Variants in MYCT1 observed in about 807,000 individuals in gnomAD.
MYCT1 encodes the protein MYC target 1.
In MYCT1, 12 loss-of-function variants were observed where a neutral mutation model predicts 15.0. The ratio of observed to expected loss-of-function variants is 0.80; its 90% CI spans 0.51 to 1.29. The LOEUF (loss-of-function observed/expected upper bound fraction) is 1.29, where lower values mean the gene tolerates loss of function less well. MYCT1 is among the 50% of genes most tolerant of loss of function. MYCT1 has a pLI of 0.00. For synonymous variants in MYCT1, 104 were observed against 102.7 expected (o/e 1.01, Z -0.07); for missense variants, 287 against 279.1 (o/e 1.03, Z -0.20).
the MYCT1 span, among the ~76,000 whole-genome samples, chr6:152,746,781 G>A: frequency 1.5e-4 from 23 of 152,136 alleles, no homozygotes; most frequent in Non-Finnish European, 2.8e-4. Context: ...ATGACTTGCA[G>A]CACTTGCATT....
At chr6:152,719,989 A>G (rs1249082108) in intron 1 of MYCT1, among the ~76,000 whole-genome samples, 2 of 152,152 alleles carry the variant, frequency 1.3e-5, no homozygotes, top group Non-Finnish European at 2.9e-5. Flanking sequence ...AGCTTAAACT[A>G]ATAATAATTT....
At chr6:152,739,682 C>T in the MYCT1 span, among the ~76,000 whole-genome samples, 1 of 151,928 alleles carries the variant, frequency 6.6e-6, no homozygotes, top group African/African-American at 2.4e-5. Flanking sequence ...GCAATGAATG[C>T]TTTAGGTTTA....
At chr6:152,734,441 A>G in the MYCT1 span, among the ~76,000 whole-genome samples, 1 of 152,186 alleles carries the variant, frequency 6.6e-6, no homozygotes, top group East Asian at 1.9e-4. Flanking sequence ...TGTTGCTTGG[A>G]AAAACTGCAA....
intron 1 of MYCT1, among the ~76,000 whole-genome samples, chr6:152,717,870 A>T (rs2099723957): frequency 6.6e-6 from 1 of 152,066 alleles, no homozygotes; most frequent in Non-Finnish European, 1.5e-5. Context: ...ATTTTTTTGT[A>T]ATTTGTATAA....
intron 1 of MYCT1, among the ~76,000 whole-genome samples, chr6:152,708,855 T>TCACTACTATACTTAAGGGA (rs1379416701): frequency 8.6e-5 from 6 of 70,052 alleles, no homozygotes; most frequent in Non-Finnish European, 1.3e-4. Flanking sequence ...AGTATTTATT[T>TCACTACTATACTTAAGGGA]TTTTATTTTT....
At chr6:152,707,549 T>C (rs1007340477) in intron 1 of MYCT1, among the ~76,000 whole-genome samples, 1 of 152,064 alleles carries the variant, frequency 6.6e-6, no homozygotes, top group African/African-American at 2.4e-5. Context: ...TCCTGTGCTG[T>C]CATATGCAAA....
At chr6:152,745,128 T>C in the MYCT1 span, among the ~76,000 whole-genome samples, 1 of 152,146 alleles carries the variant, frequency 6.6e-6, no homozygotes, top group Non-Finnish European at 1.5e-5. Context: ...GTTACCAAGC[T>C]TCGGTCCCAG....
chr6:152,707,550 C>T (rs2099722503), intron 1 of MYCT1, among the ~76,000 whole-genome samples: 1 of 151,904 alleles, frequency 6.6e-6, no homozygotes, highest in Non-Finnish European at 1.5e-5. Flanking sequence ...CCTGTGCTGT[C>T]ATATGCAAAA....
intron 1 of MYCT1, among the ~76,000 whole-genome samples, chr6:152,719,635 A>G (rs2099724336): frequency 6.6e-6 from 1 of 152,234 alleles, no homozygotes; most frequent in Non-Finnish European, 1.5e-5. Context: ...AAAGTAGGAC[A>G]CAATAAATGT....
intron 1 of MYCT1, among the ~76,000 whole-genome samples, chr6:152,718,463 C>T (rs1389331123): frequency 6.6e-6 from 1 of 151,888 alleles, no homozygotes; most frequent in Non-Finnish European, 1.5e-5. Flanking sequence ...TTATGTTGCC[C>T]AGGCTGGTCT....
At chr6:152,728,178 A>G (rs62426343), downstream of MYCT1, among the ~76,000 whole-genome samples, 2 of 148,778 alleles carry the variant, frequency 1.3e-5, no homozygotes, top group African/African-American at 4.9e-5. Context: ...AAAAAAAAAA[A>G]GGAAAAAGCA....
At chr6:152,740,039 GTTATTA>G in the MYCT1 span, among the ~76,000 whole-genome samples, 2 of 151,234 alleles carry the variant, frequency 1.3e-5, no homozygotes, top group African/African-American at 2.4e-5. Context: ...TATTGTTATT[GTTATTA>G]TTATTATTGT....
chr6:152,704,390 G>A (rs1217324593), intron 1 of MYCT1, among the ~76,000 whole-genome samples: 1 of 152,100 alleles, frequency 6.6e-6, no homozygotes, highest in Admixed American at 6.5e-5. Flanking sequence ...TCTCCATTCT[G>A]TGTCATTTGT....
the MYCT1 span, among the ~76,000 whole-genome samples, chr6:152,744,257 C>T: frequency 0.011 from 1,647 of 152,238 alleles, 27 homozygotes; most frequent in African/African-American, 0.037. Context: ...TTGGACAGAC[C>T]GGCTCGGGGC....
intron 1 of MYCT1, among the ~76,000 whole-genome samples, chr6:152,715,343 A>G (rs1393436522): frequency 6.6e-6 from 1 of 152,176 alleles, no homozygotes; most frequent in Non-Finnish European, 1.5e-5. Flanking sequence ...CAATACTGTT[A>G]ACTAATTATA....
At chr6:152,702,063 C>T (rs2099721415) in intron 1 of MYCT1, among the ~76,000 whole-genome samples, 1 of 152,082 alleles carries the variant, frequency 6.6e-6, no homozygotes, top group Admixed American at 6.5e-5. Context: ...ACCAGTTCCT[C>T]TGGGATTCCC....
intron 1 of MYCT1, among the ~76,000 whole-genome samples, chr6:152,708,649 G>T (rs369691012): frequency 1.4e-3 from 218 of 151,836 alleles, no homozygotes; most frequent in African/African-American, 5.1e-3. Context: ...TTTAATTTTT[G>T]CTCTAGCTAG....
At chr6:152,735,661 G>T in the MYCT1 span, among the ~76,000 whole-genome samples, 1 of 152,070 alleles carries the variant, frequency 6.6e-6, no homozygotes, top group Non-Finnish European at 1.5e-5. Context: ...ATGGATCACA[G>T]AAATTGACAA....
At chr6:152,743,565 G>T in the MYCT1 span, among the ~76,000 whole-genome samples, 1 of 152,158 alleles carries the variant, frequency 6.6e-6, no homozygotes, top group Admixed American at 6.5e-5. Context: ...TTGCTCAACC[G>T]TCCCGGTAAA....
Sources: allele counts gnomAD v4.1 joint callset (sites outside exome capture counted in the v4.1 genomes callset), GRCh38; gene constraint gnomAD v4.1.1; transcripts MANE v1.5; gene names NCBI Gene and HGNC (gene_info 2026-07-23, HGNC 2026-07-21).